WDFY1: variants seen among roughly 807,000 people sequenced by gnomAD.
WDFY1 encodes the protein WD repeat and FYVE domain-containing protein 1.
In WDFY1, 32 loss-of-function variants were observed where a neutral mutation model predicts 56.4. The observed-to-expected ratio is 0.57, with a 90% CI of 0.43 to 0.76. WDFY1 has a LOEUF of 0.76. Among genes scored for constraint, WDFY1 ranks in the 30% least tolerant of loss-of-function variants. The pLI is 0.00. For missense variants in WDFY1, 480 were observed against 545.7 expected (o/e 0.88, Z 1.20); for synonymous variants, 192 against 197.3 (o/e 0.97, Z 0.23).
In WDFY1 at chr2:223,912,308, G is replaced by A. The variant is rs761395957; in HGVS notation, c.224C>T (p.Ala75Val). Residue 75 changes from alanine (A) to valine (V), a missense_variant, in exon 3 of 12, where the codon GCT becomes GTT. Physicochemically the swap from Ala to Val is moderately conservative, Grantham distance 64. Transcript: ENST00000233055. ...HTMASPCSAM[A>V]YHHDSRRIFV... ...TATCCGTCTGCTGTCATGATGGTAA[G>A]CCATAGCAGAGCAAGGAGCTGCCAG... 5.5e-5 allele frequency: 89 copies of A among 1,608,608 alleles called. No homozygotes were observed. The highest frequency in any genetic ancestry group is 1.3e-4 in the East Asian group (6 of 44,816).
intron 6 of WDFY1, among the ~76,000 whole-genome samples, chr2:223,897,379 TA>T (rs60955141): frequency 0.076 from 3,204 of 42,388 alleles, 194 homozygotes; most frequent in Admixed American, 0.18. Context: ...TATATATATA[TA>T]TATATATATA....
chr2:223,881,315 T>C (rs781450026), intron 10 of WDFY1, among the ~76,000 whole-genome samples: 1 of 152,222 alleles, frequency 6.6e-6, no homozygotes, highest in Non-Finnish European at 1.5e-5. Flanking sequence ...CACAGGTGCA[T>C]GGACTTATCC....
At chr2:223,887,567 T>C (rs1693192717) in intron 8 of WDFY1, among the ~76,000 whole-genome samples, 2 of 152,226 alleles carry the variant, frequency 1.3e-5, no homozygotes, top group African/African-American at 4.8e-5. Flanking sequence ...AACTTGCCCA[T>C]TATTGCTCAG....
chr2:223,879,989 T>C, intron 11 of WDFY1, 135 bp downstream of exon 11: 1 of 768,674 alleles, frequency 1.3e-6, no homozygotes, highest in Non-Finnish European at 2.2e-6. Context: ...AAGCAATTTG[T>C]TACTCAAGGT....
intron 1 of WDFY1, among the ~76,000 whole-genome samples, chr2:223,930,119 A>G (rs144676174): frequency 2.0e-3 from 299 of 152,300 alleles, no homozygotes; most frequent in African/African-American, 6.6e-3. Context: ...CTCTGTGCTA[A>G]ATACGAGTGG....
intron 9 of WDFY1, among the ~76,000 whole-genome samples, chr2:223,884,422 C>T (rs1693135355): frequency 6.6e-6 from 1 of 152,078 alleles, no homozygotes; most frequent in African/African-American, 2.4e-5. Flanking sequence ...TTCTACGCAC[C>T]CCTGCCTTTC....
In WDFY1 at chr2:223,876,230, A is replaced by T. The variant is rs1377736786; in HGVS notation, c.*2441T>A. 1.3e-5 allele frequency: 2 copies of T among 152,536 alleles called. No individual in the cohort carries two copies. The highest frequency in any genetic ancestry group is 2.4e-5 in the African/African-American group (1 of 41,422). 9.4% of individuals were successfully genotyped at this position (152,536 alleles called of 1,614,324 possible). A position where few individuals can be genotyped will look rare whatever the true frequency, so the allele number is the denominator to read the frequency against. On this transcript the variant is annotated 3_prime_UTR_variant, in exon 12 of 12. Transcript: ENST00000233055. ...TATTCCTTAATCCCTATCTGTACAAATTAGCCTGCATATTCAGGAATGGAA... is the reference window on the plus strand; with the variant it reads ...TATTCCTTAATCCCTATCTGTACAATTTAGCCTGCATATTCAGGAATGGAA...
At chr2:223,886,160 G>A (rs1490263393) in intron 8 of WDFY1, among the ~76,000 whole-genome samples, 1 of 151,836 alleles carries the variant, frequency 6.6e-6, no homozygotes, top group Non-Finnish European at 1.5e-5. Flanking sequence ...CCAACACGGT[G>A]AAACCCCGTC....
chr2:223,933,810 A>G (rs1694121687), intron 1 of WDFY1, among the ~76,000 whole-genome samples: 1 of 151,388 alleles, frequency 6.6e-6, no homozygotes, highest in Admixed American at 6.6e-5. Context: ...AAAAAAAATC[A>G]AAAATTAGCA....
chr2:223,884,127 T>G (rs1337579018), intron 9 of WDFY1, among the ~76,000 whole-genome samples: 2 of 151,928 alleles, frequency 1.3e-5, no homozygotes, highest in Non-Finnish European at 2.9e-5. Context: ...TTGGAACATA[T>G]TTCTTTAATT....
intron 5 of WDFY1, chr2:223,899,332 G>A (rs1429794820): frequency 5.6e-6 from 2 of 358,646 alleles, no homozygotes; most frequent in African/African-American, 4.1e-5. Flanking sequence ...CTCATTGAGT[G>A]CCTGTTACTA....
intron 1 of WDFY1, among the ~76,000 whole-genome samples, chr2:223,944,224 C>T (rs1439566958): frequency 6.6e-6 from 1 of 152,198 alleles, no homozygotes; most frequent in African/African-American, 2.4e-5. Context: ...GGCTGGAGTT[C>T]CTCGCAAAGA....
chr2:223,941,413 G>A (rs1689304555), intron 1 of WDFY1, among the ~76,000 whole-genome samples: 1 of 151,908 alleles, frequency 6.6e-6, no homozygotes, highest in African/African-American at 2.4e-5. Flanking sequence ...ATTCCCTCCT[G>A]TCCTTTCCTC....
intron 8 of WDFY1, among the ~76,000 whole-genome samples, chr2:223,891,025 T>C (rs576879204): frequency 2.0e-5 from 3 of 152,184 alleles, no homozygotes; most frequent in South Asian, 2.1e-4. Context: ...CAGGCAAGCA[T>C]TGCAGAGCTA....
chr2:223,885,782 A>G (rs2106072421), intron 8 of WDFY1, among the ~76,000 whole-genome samples: 1 of 152,248 alleles, frequency 6.6e-6, no homozygotes, highest in Admixed American at 6.5e-5. Context: ...TGCTCTGGGT[A>G]GGGACTATGC....
intron 6 of WDFY1, among the ~76,000 whole-genome samples, chr2:223,897,107 G>A (rs1162994449): frequency 1.3e-5 from 2 of 152,098 alleles, no homozygotes; most frequent in Admixed American, 1.3e-4. Flanking sequence ...CACCTAAATA[G>A]ATTACATAGA....
chr2:223,897,382 A>ATTTTTT (rs1418724112), intron 6 of WDFY1, among the ~76,000 whole-genome samples: 5 of 106,404 alleles, frequency 4.7e-5, no homozygotes, highest in Non-Finnish European at 8.6e-5. Context: ...ATATATATAT[A>ATTTTTT]TATATATATT....
Position 223,878,571 on chromosome 2 carries a change from G to T in WDFY1, c.*100C>A. 1 of 835,264 alleles carries T rather than the reference G, an allele frequency of 1.2e-6. No individual in the cohort carries two copies. The highest frequency in any genetic ancestry group is 2.0e-6 in the Non-Finnish European group (1 of 512,170). 51.7% of individuals were successfully genotyped at this position (835,264 alleles called of 1,614,324 possible). ...AAAAATGTTGATTTGTTTGTAAGTG[G>T]CTACTGTCCATTCACGAGACAGCGC... On this transcript the variant is annotated 3_prime_UTR_variant, in exon 12 of 12. Coordinates refer to ENST00000233055, the MANE Select transcript of WDFY1 (RefSeq NM_020830.5).
intron 8 of WDFY1, among the ~76,000 whole-genome samples, chr2:223,888,745 C>A (rs1232054836): frequency 6.6e-6 from 1 of 151,260 alleles, no homozygotes; most frequent in East Asian, 2.0e-4. Flanking sequence ...CACCACCACA[C>A]CCAGCTATTT....
Sources: allele counts gnomAD v4.1 joint callset (sites outside exome capture counted in the v4.1 genomes callset), GRCh38; gene constraint gnomAD v4.1.1; transcripts MANE v1.5; gene names NCBI Gene and HGNC (gene_info 2026-07-23, HGNC 2026-07-21).